GREM2: variants seen among roughly 807,000 people sequenced by gnomAD.
The protein encoded by GREM2 is gremlin 2, DAN family BMP antagonist, also known as gremlin-2.
A neutral mutation model predicts 14.2 loss-of-function variants in GREM2; 11 were observed. The ratio of observed to expected loss-of-function variants is 0.78; its 90% CI spans 0.49 to 1.28. GREM2 has a LOEUF of 1.28. Ranked by LOEUF, GREM2 falls within the 50% of genes most tolerant of loss-of-function variation. The probability of loss-of-function intolerance (pLI) is 0.00; values close to 1 mark genes in which losing one functional copy is unlikely to be tolerated. For synonymous variants in GREM2, 98 were observed against 97.6 expected, an observed-to-expected ratio of 1.00 and a Z score of -0.02; for missense variants, 210 against 218.5, an observed-to-expected ratio of 0.96 and a Z score of 0.24.
rs1418366836 is a variant in GREM2 at position 240,591,297 on chromosome 1, G to T, written c.-2+20587C>A. Among the ~76,000 whole-genome samples, 5 of 152,184 alleles carry T rather than the reference G, an allele frequency of 3.3e-5. No individual in the cohort carries two copies. The East Asian group carries it at 9.6e-4, about 29-fold the overall frequency. On this transcript the variant is annotated intron_variant, in intron 1 of 1. Coordinates refer to ENST00000318160, the MANE Select transcript of GREM2 (RefSeq NM_022469.4). ...TATGATCCTCCAGGGTAGTCCCAGA[G>T]CCTGACAGAGCGACTAACACGTACA...
intron 1 of GREM2, chr1:240,530,645 A>T (rs1316042734): frequency 6.6e-6 from 1 of 152,218 alleles, no homozygotes; most frequent in Non-Finnish European, 1.5e-5. Flanking sequence ...CTAAACTAGG[A>T]CCATCGCAAA....
chr1:240,524,496 C>G (rs1340058921), intron 1 of GREM2, among the ~76,000 whole-genome samples: 1 of 152,088 alleles, frequency 6.6e-6, no homozygotes, highest in African/African-American at 2.4e-5. Flanking sequence ...TGAATAAGTG[C>G]AGAATTATAG....
chr1:240,606,740 G>A (rs12126026), intron 1 of GREM2, among the ~76,000 whole-genome samples: 14,205 of 149,602 alleles, frequency 0.095, 731 homozygotes, highest in African/African-American at 0.14. Context: ...GTGCAGTGGC[G>A]CGATCTCAGC....
chr1:240,563,836 A>G (rs1484216751), intron 1 of GREM2, among the ~76,000 whole-genome samples: 1 of 152,192 alleles, frequency 6.6e-6, no homozygotes, highest in Non-Finnish European at 1.5e-5. Context: ...ACATGTACCC[A>G]ATGGCCTTTG....
At chr1:240,506,729 G>C (rs1183419909) in intron 1 of GREM2, among the ~76,000 whole-genome samples, 3 of 152,208 alleles carry the variant, frequency 2.0e-5, no homozygotes, top group Non-Finnish European at 4.4e-5. Context: ...CATGTTCCAT[G>C]CACCTTCCTA....
chr1:240,561,185 A>T (rs1460063386), intron 1 of GREM2, among the ~76,000 whole-genome samples: 4 of 152,108 alleles, frequency 2.6e-5, no homozygotes, highest in Admixed American at 2.0e-4. Flanking sequence ...TTTGTGAACC[A>T]CTAAGTACTA....
chr1:240,610,124 A>G (rs1224118940), intron 1 of GREM2, among the ~76,000 whole-genome samples: 1 of 152,184 alleles, frequency 6.6e-6, no homozygotes, highest in Non-Finnish European at 1.5e-5. Context: ...TAGAGTTAGA[A>G]AGATAAGACA....
At chr1:240,589,151 TTAGGC>T (rs1203100991) in intron 1 of GREM2, 3 of 151,840 alleles carry the variant, frequency 2.0e-5, no homozygotes, top group African/African-American at 7.2e-5. Flanking sequence ...TGACATTAAA[TTAGGC>T]CGAGCATGGT....
At chr1:240,523,957 T>G (rs569761606) in intron 1 of GREM2, among the ~76,000 whole-genome samples, 15 of 152,366 alleles carry the variant, frequency 9.8e-5, no homozygotes, top group African/African-American at 2.9e-4. Flanking sequence ...TTTTGATTTA[T>G]TTAACATCTA....
intron 1 of GREM2, among the ~76,000 whole-genome samples, chr1:240,549,263 G>A (rs1558158843): frequency 6.6e-6 from 1 of 151,834 alleles, no homozygotes; most frequent in African/African-American, 2.4e-5. Flanking sequence ...TTGAACCTGG[G>A]AGGCGGAGGT....
At chr1:240,552,954 T>A (rs991812233) in intron 1 of GREM2, among the ~76,000 whole-genome samples, 3 of 151,690 alleles carry the variant, frequency 2.0e-5, no homozygotes, top group African/African-American at 7.3e-5. Context: ...AAGCCTTTCA[T>A]CCCCTTTCTT....
At chr1:240,532,845 C>G (rs1408501151) in intron 1 of GREM2, among the ~76,000 whole-genome samples, 1 of 152,202 alleles carries the variant, frequency 6.6e-6, no homozygotes, top group Non-Finnish European at 1.5e-5. Flanking sequence ...CAAAGTCATG[C>G]ACAGAACCTG....
chr1:240,496,943 C>T (rs553895387), intron 1 of GREM2, among the ~76,000 whole-genome samples: 4 of 152,082 alleles, frequency 2.6e-5, no homozygotes, highest in Non-Finnish European at 5.9e-5. Context: ...ATCGCTTGAA[C>T]CCGGGAGGCA....
intron 1 of GREM2, among the ~76,000 whole-genome samples, chr1:240,556,269 C>T (rs181279191): frequency 6.5e-4 from 99 of 152,278 alleles, no homozygotes; most frequent in Middle Eastern, 6.8e-3. Flanking sequence ...CAGCTCAGCC[C>T]CCAGAACTCT....
At chr1:240,510,115 A>G (rs1677773422) in intron 1 of GREM2, among the ~76,000 whole-genome samples, 1 of 152,086 alleles carries the variant, frequency 6.6e-6, no homozygotes, top group African/African-American at 2.4e-5. Flanking sequence ...CACGCCTGTA[A>G]TCCCAGCACT....
rs537556548 is a variant in GREM2 at position 240,569,650 on chromosome 1, GA to G, written c.-2+42233del. ...GAACAGCTGGCTATCCATAGATGGG[GA>G]AAAAAATATGAACTTTGATCCATAC... On this transcript the variant is annotated intron_variant, in intron 1 of 1. Transcript: ENST00000318160. 7.2e-5 allele frequency among the ~76,000 whole-genome samples: 11 copies of G among 152,158 alleles called. No individual in the cohort carries two copies. In the South Asian group the frequency reaches 1.9e-3, roughly 26 times the overall value.
intron 1 of GREM2, among the ~76,000 whole-genome samples, chr1:240,562,048 T>C (rs1679050650): frequency 6.6e-6 from 1 of 152,322 alleles, no homozygotes; most frequent in African/African-American, 2.4e-5. Flanking sequence ...TGTATTATAA[T>C]AATCACAAGC....
intron 1 of GREM2, among the ~76,000 whole-genome samples, chr1:240,520,241 G>T (rs1678054048): frequency 6.6e-6 from 1 of 152,106 alleles, no homozygotes; most frequent in African/African-American, 2.4e-5. Flanking sequence ...ACCCTAATTT[G>T]CTCTTAAAGC....
intron 1 of GREM2, among the ~76,000 whole-genome samples, chr1:240,516,045 C>T (rs1299801140): frequency 1.3e-5 from 2 of 152,008 alleles, no homozygotes; most frequent in Non-Finnish European, 2.9e-5. Context: ...TACAGTCCCC[C>T]GCCCCATGCC....
Sources: gnomAD v4.1 joint callset for allele counts (sites outside exome capture counted in the v4.1 genomes callset) on GRCh38, gnomAD v4.1.1 for gene constraint, MANE v1.5 for transcripts, NCBI Gene and HGNC (gene_info 2026-07-23, HGNC 2026-07-21) for gene names.